CSMD3: variants seen among roughly 807,000 people sequenced by gnomAD.
The protein encoded by CSMD3 is CUB and sushi domain-containing protein 3.
Under a neutral mutation model 435.2 loss-of-function variants are expected in CSMD3, and 177 were observed. The observed-to-expected ratio is 0.41, with a 90% CI of 0.36 to 0.46. The LOEUF (loss-of-function observed/expected upper bound fraction) is 0.46, where lower values mean the gene tolerates loss of function less well. CSMD3 is among the 20% of genes least tolerant of loss of function. CSMD3 has a pLI of 0.34. For missense variants in CSMD3, 4,265 were observed against 4,504.6 expected (o/e 0.95, Z 1.52); for synonymous variants, 1,656 against 1,520.5 (o/e 1.09, Z -2.07).
intron 2 of CSMD3, among the ~76,000 whole-genome samples, chr8:113,280,176 T>A (rs972706530): frequency 2.6e-5 from 4 of 151,924 alleles, no homozygotes; most frequent in African/African-American, 9.7e-5. Flanking sequence ...TGATGCTGGC[T>A]TCATAGAATG....
chr8:112,598,019 G>T (rs1256866197), intron 22 of CSMD3, among the ~76,000 whole-genome samples: 16 of 147,938 alleles, frequency 1.1e-4, no homozygotes, highest in Admixed American at 4.8e-4. Flanking sequence ...TCTGGCCAGG[G>T]CAATTAGGCA....
rs912471803 is a variant in CSMD3, at chr8:113,164,422, C to CA, written c.709+9299dup. Among the ~76,000 whole-genome samples the CA allele has an allele frequency of 6.5e-3, 659 of 101,506 alleles. 5 individuals carry two copies. The highest frequency in any genetic ancestry group is 0.011 in the African/African-American group (293 of 26,998). The allele number at this position is 101,506 out of a possible 152,430, so 66.6% of individuals were successfully genotyped here. A position where few individuals can be genotyped will look rare whatever the true frequency, so the allele number is the denominator to read the frequency against. On this transcript the variant is annotated intron_variant, in intron 4 of 70. Transcript: ENST00000297405. ...TTGGTCAAAATATAAGGAATTAGTGCAAAAAAAAAAAGAAAAAAAAACAAT... is the reference window on the plus strand; with the variant it reads ...TTGGTCAAAATATAAGGAATTAGTGCAAAAAAAAAAAAGAAAAAAAAACAAT...
intron 19 of CSMD3, among the ~76,000 whole-genome samples, chr8:112,645,479 T>C (rs1381709519): frequency 6.6e-6 from 1 of 152,196 alleles, no homozygotes; most frequent in Admixed American, 6.5e-5. Context: ...CATTTCTAAT[T>C]ATAAGCAGTA....
chr8:112,777,640 G>GA (rs2132228081), intron 13 of CSMD3, among the ~76,000 whole-genome samples: 1 of 151,880 alleles, frequency 6.6e-6, no homozygotes, highest in African/African-American at 2.4e-5. Context: ...GACCACGACT[G>GA]AATTAAAAGA....
chr8:113,153,207 A>C (rs971626400), intron 4 of CSMD3, among the ~76,000 whole-genome samples: 7 of 147,090 alleles, frequency 4.8e-5, no homozygotes, highest in African/African-American at 1.8e-4. Context: ...AGGGAGGGAA[A>C]GAGAGAGGTA....
intron 5 of CSMD3, among the ~76,000 whole-genome samples, chr8:113,080,573 A>G (rs1385529354): frequency 1.3e-5 from 2 of 152,176 alleles, no homozygotes; most frequent in Non-Finnish European, 2.9e-5. Context: ...TGTGTGCAAA[A>G]TATAATGGAA....
At position 113,063,200 on chromosome 8, in the gene CSMD3, T is replaced by G. The variant is rs1016802533; in HGVS notation, c.917+35556A>C. Reference sequence around the variant, plus strand: ...AAAAAAAAAAAGCAAAACAAAACTTTACCATTCACAGTGATAGAATTGAGA... The same window carrying G: ...AAAAAAAAAAAGCAAAACAAAACTTGACCATTCACAGTGATAGAATTGAGA... On this transcript the variant is annotated intron_variant, in intron 5 of 70. Transcript: ENST00000297405. Among the ~76,000 whole-genome samples the G allele has an allele frequency of 2.6e-5, 4 of 151,840 alleles. No individual in the cohort carries two copies. The South Asian group carries it at 6.2e-4, about 24-fold the overall frequency.
chr8:112,338,562 GACT>G (rs1401547802), intron 42 of CSMD3, among the ~76,000 whole-genome samples: 1 of 151,962 alleles, frequency 6.6e-6, no homozygotes, highest in African/African-American at 2.4e-5. Context: ...GAAAATCAAA[GACT>G]ACTTCTCTAC....
chr8:112,265,284 G>A, intron 60 of CSMD3, 127 bp downstream of exon 60: 1 of 489,530 alleles, frequency 2.0e-6, no homozygotes, highest in Non-Finnish European at 3.5e-6. Context: ...GCCATTTTTA[G>A]TACTAGAAAA....
At chr8:112,820,011 A>C (rs1437072933) in intron 12 of CSMD3, among the ~76,000 whole-genome samples, 1 of 152,124 alleles carries the variant, frequency 6.6e-6, no homozygotes, top group Non-Finnish European at 1.5e-5. Context: ...CACCTTCTTC[A>C]AAAAATTAGT....
intron 24 of CSMD3, among the ~76,000 whole-genome samples, chr8:112,558,271 A>G (rs1828305901): frequency 6.6e-6 from 1 of 151,714 alleles, no homozygotes; most frequent in African/African-American, 2.4e-5. Flanking sequence ...CAGAACCTAG[A>G]AAGGTCATTT....
chr8:112,353,910 G>A (rs1339677923), intron 38 of CSMD3, among the ~76,000 whole-genome samples: 1 of 151,966 alleles, frequency 6.6e-6, no homozygotes, highest in Non-Finnish European at 1.5e-5. Context: ...AAAAATACAG[G>A]ACAATATTTC....
chr8:112,267,675 G>A (rs529380702), intron 59 of CSMD3, among the ~76,000 whole-genome samples: 1 of 152,160 alleles, frequency 6.6e-6, no homozygotes, highest in East Asian at 1.9e-4. Context: ...CTGGTCACAG[G>A]GCACATGAGC....
Position 112,718,607 on chromosome 8 carries a change from T to A in CSMD3, c.1973-28557A>T, listed in dbSNP as rs190033313. 2.5e-3 allele frequency among the ~76,000 whole-genome samples: 387 copies of A among 152,010 alleles called. 1 individual carries two copies. Among genetic ancestry groups the A allele is most frequent in the Non-Finnish European group, 2.9e-3 (194 of 67,944 alleles). On this transcript the variant is annotated intron_variant, in intron 13 of 70. Transcript: ENST00000297405. ...ATCACAAAACAAAACAATTTAATTT[T>A]AAATATTTGTAATTTAGACTTTTAA...
intron 24 of CSMD3, among the ~76,000 whole-genome samples, chr8:112,568,922 A>C (rs1829281495): frequency 6.6e-6 from 1 of 152,114 alleles, no homozygotes; most frequent in Non-Finnish European, 1.5e-5. Flanking sequence ...CTTCCTTGCT[A>C]ACAACTCTGA....
At chr8:112,605,729 C>T (rs1471412998) in intron 22 of CSMD3, among the ~76,000 whole-genome samples, 1 of 152,102 alleles carries the variant, frequency 6.6e-6, no homozygotes, top group Non-Finnish European at 1.5e-5. Flanking sequence ...ACCAAACAGC[C>T]ATGACATGCA....
chr8:112,409,134 T>C (rs1832112524), intron 32 of CSMD3, 102 bp from the exon 33 acceptor site: 1 of 1,564,072 alleles, frequency 6.4e-7, no homozygotes. Flanking sequence ...GAACAAAGTA[T>C]TACAATATAA....
chr8:112,610,011 TG>T (rs924893941), intron 22 of CSMD3, among the ~76,000 whole-genome samples: 10 of 151,372 alleles, frequency 6.6e-5, no homozygotes, highest in Admixed American at 6.6e-4. Flanking sequence ...TTAACAAAGG[TG>T]GGGGGTAGGG....
intron 27 of CSMD3, among the ~76,000 whole-genome samples, chr8:112,531,597 T>C (rs1446593345): frequency 1.3e-5 from 2 of 152,026 alleles, no homozygotes; most frequent in African/African-American, 4.8e-5. Context: ...CAAAAGTCCA[T>C]CAGAAATAAG....
Sources: allele counts gnomAD v4.1 joint callset (sites outside exome capture counted in the v4.1 genomes callset), GRCh38; gene constraint gnomAD v4.1.1; transcripts MANE v1.5; gene names NCBI Gene and HGNC (gene_info 2026-07-23, HGNC 2026-07-21).